Variants in DLG2 observed in about 807,000 individuals in gnomAD.
DLG2 encodes disks large homolog 2.
DLG2 carries 45 observed loss-of-function variants against 132.5 expected under a neutral mutation model. That is an observed-to-expected ratio of 0.34 (90% CI 0.27 to 0.44). DLG2 has a LOEUF of 0.44. Among genes scored for constraint, DLG2 ranks in the 20% least tolerant of loss-of-function variants. The probability of loss-of-function intolerance (pLI) is 1.00; values close to 1 mark genes in which losing one functional copy is unlikely to be tolerated. For missense variants in DLG2, 1,045 were observed against 1,196.9 expected (o/e 0.87, Z 1.87); for synonymous variants, 424 against 419.6 (o/e 1.01, Z -0.13).
At chr11:85,123,303 T>C (rs1241007907) in intron 5 of DLG2, among the ~76,000 whole-genome samples, 1 of 151,906 alleles carries the variant, frequency 6.6e-6, no homozygotes, top group Non-Finnish European at 1.5e-5. Flanking sequence ...AAGGGAAGGT[T>C]CAAGTTAATG....
chr11:85,198,026 C>T (rs188999623), intron 4 of DLG2, among the ~76,000 whole-genome samples: 1 of 151,930 alleles, frequency 6.6e-6, no homozygotes, highest in African/African-American at 2.4e-5. Context: ...AAATAACAGA[C>T]GAACGACATG....
At chr11:84,269,948 G>T (rs1444902604) in intron 7 of DLG2, among the ~76,000 whole-genome samples, 1 of 152,096 alleles carries the variant, frequency 6.6e-6, no homozygotes, top group African/African-American at 2.4e-5. Context: ...GTTTACTTTT[G>T]GGCACTTGTC....
At chr11:84,601,396 A>G in intron 6 of DLG2, among the ~76,000 whole-genome samples, 1 of 152,190 alleles carries the variant, frequency 6.6e-6, no homozygotes, top group East Asian at 1.9e-4. Flanking sequence ...TTTTCTGGAA[A>G]GAAATGCAGT....
chr11:83,863,582 CAG>C (rs751430714), intron 16 of DLG2, among the ~76,000 whole-genome samples: 34 of 152,054 alleles, frequency 2.2e-4, no homozygotes, highest in Non-Finnish European at 4.4e-4. Context: ...GAAGAGAGAT[CAG>C]AGAGGGAACA....
At chr11:85,477,199 C>T (rs1383442590) in intron 3 of DLG2, among the ~76,000 whole-genome samples, 1 of 152,108 alleles carries the variant, frequency 6.6e-6, no homozygotes, top group Admixed American at 6.5e-5. Context: ...TGTTGAACAT[C>T]CTATTTAAAG....
At chr11:84,777,303 A>ATATATATATATATATATTTT (rs2070797343) in intron 6 of DLG2, among the ~76,000 whole-genome samples, 1 of 132,358 alleles carries the variant, frequency 7.6e-6, no homozygotes, top group African/African-American at 2.8e-5. Context: ...ATATATATAT[A>ATATATATATATATATATTTT]TATATATATA....
chr11:85,154,358 C>T (rs1324886638), intron 5 of DLG2, among the ~76,000 whole-genome samples, 198 bp downstream of exon 5: 1 of 152,128 alleles, frequency 6.6e-6, no homozygotes, highest in Non-Finnish European at 1.5e-5. Context: ...CAAAATAAAA[C>T]ACACACAACT....
chr11:84,275,967 C>T (rs2097780054), intron 7 of DLG2, among the ~76,000 whole-genome samples: 1 of 152,050 alleles, frequency 6.6e-6, no homozygotes, highest in African/African-American at 2.4e-5. Flanking sequence ...AGCAAAGGCA[C>T]AGGGTGGGAA....
chr11:85,331,090 T>C (rs1473275924), intron 3 of DLG2, among the ~76,000 whole-genome samples: 1 of 152,180 alleles, frequency 6.6e-6, no homozygotes, highest in Non-Finnish European at 1.5e-5. Flanking sequence ...AGTACAAAAA[T>C]AAACCCATAA....
At chr11:85,101,961 T>C (rs1281391107) in intron 6 of DLG2, among the ~76,000 whole-genome samples, 1 of 152,034 alleles carries the variant, frequency 6.6e-6, no homozygotes, top group Non-Finnish European at 1.5e-5. Flanking sequence ...AAGATGAGAT[T>C]AGCAGTTCCA....
At chr11:85,088,953 C>T (rs2068344401) in intron 6 of DLG2, among the ~76,000 whole-genome samples, 1 of 152,094 alleles carries the variant, frequency 6.6e-6, no homozygotes. Context: ...CTCTGCTTAC[C>T]ATAAAATAAG....
intron 11 of DLG2, among the ~76,000 whole-genome samples, chr11:83,981,667 C>G (rs1224527211): frequency 6.6e-6 from 1 of 152,050 alleles, no homozygotes; most frequent in Non-Finnish European, 1.5e-5. Context: ...GAACTCCTGA[C>G]CTCAGGTGAT....
chr11:83,494,640 G>T (rs1238539363), intron 21 of DLG2, among the ~76,000 whole-genome samples: 1 of 150,560 alleles, frequency 6.6e-6, no homozygotes, highest in Non-Finnish European at 1.5e-5. Context: ...GCCCCAGACT[G>T]CAGAGACACC....
chr11:84,051,556 T>C (rs1367580632), intron 11 of DLG2, among the ~76,000 whole-genome samples: 3 of 139,810 alleles, frequency 2.1e-5, no homozygotes, highest in African/African-American at 8.1e-5. Flanking sequence ...TTCTCACTCA[T>C]AGGTGGGAAC....
chr11:83,746,281 T>C (rs2092905901), intron 18 of DLG2, among the ~76,000 whole-genome samples: 1 of 152,196 alleles, frequency 6.6e-6, no homozygotes, highest in African/African-American at 2.4e-5. Context: ...TGCACACGTA[T>C]GTTTATTGCG....
rs2089167176 is a variant in DLG2, at chr11:83,457,293, T to C, written c.*2525A>G. On this transcript the variant is annotated 3_prime_UTR_variant, in exon 28 of 28. Coordinates refer to ENST00000376104, the MANE Select transcript of DLG2 (RefSeq NM_001142699.3). ...ATTTGCTGCAAAATACACCAGTTCA[T>C]TGGAGCCATAGAGACATCAACATTG... 1 of 152,608 alleles carries C rather than the reference T, an allele frequency of 6.6e-6. No homozygotes were observed. The highest frequency in any genetic ancestry group is 1.5e-5 in the Non-Finnish European group (1 of 68,032). The allele number at this position is 152,608 out of a possible 1,614,324, so 9.5% of individuals were successfully genotyped here. A position where few individuals can be genotyped will look rare whatever the true frequency, so the allele number is the denominator to read the frequency against.
chr11:84,765,927 C>T (rs2068345707), intron 6 of DLG2, among the ~76,000 whole-genome samples: 1 of 151,950 alleles, frequency 6.6e-6, no homozygotes. Context: ...CAAACTTTAA[C>T]CCACAAGACG....
chr11:84,601,041 G>T (rs970738710), intron 6 of DLG2, among the ~76,000 whole-genome samples: 1 of 152,110 alleles, frequency 6.6e-6, no homozygotes, highest in Non-Finnish European at 1.5e-5. Flanking sequence ...ATTGTGTTTG[G>T]ATTATATGTA....
At chr11:83,983,729 T>G (rs2449598) in intron 11 of DLG2, among the ~76,000 whole-genome samples, 146,153 of 152,072 alleles carry the variant, frequency 0.96, 70,275 homozygotes, top group East Asian at 1. Flanking sequence ...CATGGAACAA[T>G]GAATATATTT....
Sources: gnomAD v4.1 joint callset for allele counts (sites outside exome capture counted in the v4.1 genomes callset) on GRCh38, gnomAD v4.1.1 for gene constraint, MANE v1.5 for transcripts, NCBI Gene and HGNC (gene_info 2026-07-23, HGNC 2026-07-21) for gene names.